Variants in PCED1B observed in about 807,000 individuals in gnomAD.
PCED1B encodes PC-esterase domain-containing protein 1B.
For missense variants in PCED1B, 573 were observed against 573.9 expected (o/e 1.00, Z 0.02); for synonymous variants, 251 against 246.1 (o/e 1.02, Z -0.19).
At chr12:47,185,358 G>A (rs1942221492) in intron 2 of PCED1B, among the ~76,000 whole-genome samples, 1 of 152,220 alleles carries the variant, frequency 6.6e-6, no homozygotes, top group African/African-American at 2.4e-5. Context: ...AGGGAAGACA[G>A]CCCTGTGAAG....
chr12:47,095,069 CAA>C (rs1938430054), intron 1 of PCED1B, among the ~76,000 whole-genome samples: 1 of 121,220 alleles, frequency 8.2e-6, no homozygotes. Context: ...ACTGTGCCCA[CAA>C]TTTTTTTTTT....
At chr12:47,156,474 T>C (rs1277319148) in intron 2 of PCED1B, among the ~76,000 whole-genome samples, 1 of 152,168 alleles carries the variant, frequency 6.6e-6, no homozygotes, top group Non-Finnish European at 1.5e-5. Context: ...TCCCTGCTTC[T>C]CAAGCCATCA....
intron 2 of PCED1B, among the ~76,000 whole-genome samples, chr12:47,127,605 C>G (rs1209228986): frequency 6.6e-6 from 1 of 152,090 alleles, no homozygotes; most frequent in African/African-American, 2.4e-5. Flanking sequence ...ACCTCGTGAT[C>G]TGCCCACCTA....
intron 2 of PCED1B, among the ~76,000 whole-genome samples, chr12:47,120,628 C>A (rs915027947): frequency 6.6e-6 from 1 of 151,992 alleles, no homozygotes; most frequent in Admixed American, 6.6e-5. Context: ...ATGATGAAAT[C>A]CCGTTTCTAC....
At chr12:47,230,385 A>C (rs931663912) in intron 3 of PCED1B, among the ~76,000 whole-genome samples, 2 of 152,074 alleles carry the variant, frequency 1.3e-5, no homozygotes, top group African/African-American at 2.4e-5. Flanking sequence ...CGCCTGGCCA[A>C]AGTAATCATT....
chr12:47,149,363 G>A lies in PCED1B; in HGVS notation c.-526+45168G>A, dbSNP rs1054825846. The stretch of plus-strand genomic sequence containing the variant: ...TTATGGCTCCATTCTCTCTCCCTTC[G>A]TCAAATTCCCTGAGAAGCAGCGCAA... On this transcript the variant is annotated intron_variant, in intron 2 of 3. Transcript: ENST00000546455. Among the ~76,000 whole-genome samples the A allele has an allele frequency of 5.3e-5, 8 of 152,076 alleles. No individual in the cohort carries two copies. In the South Asian group the frequency reaches 1.2e-3, roughly 24 times the overall value.
intron 2 of PCED1B, among the ~76,000 whole-genome samples, chr12:47,165,445 A>G (rs1305989691): frequency 2.0e-5 from 3 of 152,232 alleles, no homozygotes; most frequent in Admixed American, 1.3e-4. Flanking sequence ...GTGAATGTGC[A>G]TGGGGAAAGA....
chr12:47,117,179 T>C (rs1413044103), intron 2 of PCED1B, among the ~76,000 whole-genome samples: 1 of 152,192 alleles, frequency 6.6e-6, no homozygotes, highest in African/African-American at 2.4e-5. Context: ...ATCCCTGTTG[T>C]AACATGTAGC....
chr12:47,136,154 A>C (rs1219545105), intron 2 of PCED1B, among the ~76,000 whole-genome samples: 1 of 142,830 alleles, frequency 7.0e-6, no homozygotes, highest in African/African-American at 2.7e-5. Flanking sequence ...TATTATAATC[A>C]TCTTTCACAT....
chr12:47,165,056 A>G (rs1343246364), intron 2 of PCED1B, among the ~76,000 whole-genome samples: 1 of 152,214 alleles, frequency 6.6e-6, no homozygotes, highest in East Asian at 1.9e-4. Context: ...TGGCCTGCCC[A>G]GGTACTGCTT....
intron 2 of PCED1B, among the ~76,000 whole-genome samples, chr12:47,190,655 C>T (rs910813808): frequency 1.3e-5 from 2 of 152,216 alleles, no homozygotes; most frequent in African/African-American, 2.4e-5. Context: ...CTGGTTTCTG[C>T]GTGGCAGGCA....
At chr12:47,163,969 CT>C in intron 2 of PCED1B, among the ~76,000 whole-genome samples, 1 of 152,256 alleles carries the variant, frequency 6.6e-6, no homozygotes. Flanking sequence ...TAATTCCATT[CT>C]GTGAGAGCAA....
rs188368671 is a variant in PCED1B, at chr12:47,162,173, A to C, written c.-525-54049A>C. 2.6e-3 allele frequency among the ~76,000 whole-genome samples: 389 copies of C among 152,180 alleles called. 1 individual carries two copies. Among genetic ancestry groups the C allele is most frequent in the African/African-American group, 9.2e-3 (381 of 41,500 alleles). Reference sequence around the variant, plus strand: ...ATATACCTAATGTAAATGATGAATTAATGGGTGCAGCACACCAACATCGCA... The same window carrying C: ...ATATACCTAATGTAAATGATGAATTCATGGGTGCAGCACACCAACATCGCA... On this transcript the variant is annotated intron_variant, in intron 2 of 3. Transcript: ENST00000546455.
Position 47,198,614 on chromosome 12 carries a change from G to T in PCED1B, c.-525-17608G>T, listed in dbSNP as rs111542417. Among the ~76,000 whole-genome samples, 12 of 152,014 alleles carry T rather than the reference G, an allele frequency of 7.9e-5. 1 individual carries two copies. Among genetic ancestry groups the T allele is most frequent in the Admixed American group, 4.6e-4 (7 of 15,270 alleles). On this transcript the variant is annotated intron_variant, in intron 2 of 3. Transcript: ENST00000546455. Reference sequence around the variant, plus strand: ...AAACAAAAAAAAAAGCAAGGTAAACGGATTGAGAAGGAAGAAAGAAATAAA... The same window carrying T: ...AAACAAAAAAAAAAGCAAGGTAAACTGATTGAGAAGGAAGAAAGAAATAAA...
At chr12:47,153,712 T>A (rs1035979449) in intron 2 of PCED1B, among the ~76,000 whole-genome samples, 3 of 152,244 alleles carry the variant, frequency 2.0e-5, no homozygotes, top group Non-Finnish European at 4.4e-5. Flanking sequence ...ACTCTACTTT[T>A]AAATAATCAG....
intron 2 of PCED1B, among the ~76,000 whole-genome samples, chr12:47,190,418 C>T (rs755365564): frequency 5.3e-5 from 8 of 152,218 alleles, no homozygotes; most frequent in Non-Finnish European, 8.8e-5. Flanking sequence ...TCACTTTGGT[C>T]GCCTCTTCCA....
At chr12:47,128,800 G>A (rs1341066406) in intron 2 of PCED1B, among the ~76,000 whole-genome samples, 1 of 152,214 alleles carries the variant, frequency 6.6e-6, no homozygotes, top group Admixed American at 6.5e-5. Context: ...TATCTTCTGA[G>A]TTGAATTATA....
chr12:47,089,461 C>CATATATATAT (rs1217283440), intron 1 of PCED1B, among the ~76,000 whole-genome samples: 1,590 of 63,020 alleles, frequency 0.025, 48 homozygotes, highest in Middle Eastern at 0.047. Flanking sequence ...AAAAAAAATA[C>CATATATATAT]ATATATATAT....
At chr12:47,182,384 G>A (rs1235740323) in intron 2 of PCED1B, among the ~76,000 whole-genome samples, 1 of 152,016 alleles carries the variant, frequency 6.6e-6, no homozygotes, top group Admixed American at 6.6e-5. Flanking sequence ...ACAAGGTCAG[G>A]CCTTTGAGAC....
Sources: gnomAD v4.1 joint callset for allele counts (sites outside exome capture counted in the v4.1 genomes callset) on GRCh38, gnomAD v4.1.1 for gene constraint, MANE v1.5 for transcripts, NCBI Gene and HGNC (gene_info 2026-07-23, HGNC 2026-07-21) for gene names.